The following ST3GAL3 variants were observed in gnomAD, a reference collection of about 807,000 sequenced individuals.
The protein encoded by ST3GAL3 is ST3 beta-galactoside alpha-2,3-sialyltransferase 3, also known as CMP-N-acetylneuraminate-beta-1,4-galactoside alpha-2,3-sialyltransferase.
A neutral mutation model predicts 50.1 loss-of-function variants in ST3GAL3; 21 were observed. That is an observed-to-expected ratio of 0.42 (90% CI 0.30 to 0.60). The LOEUF (loss-of-function observed/expected upper bound fraction) is 0.60. Among genes scored for constraint, ST3GAL3 ranks in the 20% least tolerant of loss-of-function variants. The probability of loss-of-function intolerance (pLI) is 0.19; values close to 1 mark genes in which losing one functional copy is unlikely to be tolerated. For synonymous variants in ST3GAL3, 183 were observed against 190.0 expected, an observed-to-expected ratio of 0.96 and a Z score of 0.30; for missense variants, 353 against 489.4, an observed-to-expected ratio of 0.72 and a Z score of 2.63.
chr1:43,860,788 A>C (rs960342919), intron 5 of ST3GAL3, among the ~76,000 whole-genome samples: 10 of 152,216 alleles, frequency 6.6e-5, no homozygotes, highest in African/African-American at 2.4e-4. Flanking sequence ...TGTGGGTTAC[A>C]GTCACCATGT....
At chr1:43,878,909 G>C (rs2074586603) in intron 5 of ST3GAL3, 1 of 409,104 alleles carries the variant, frequency 2.4e-6, no homozygotes, top group Non-Finnish European at 4.9e-6. Flanking sequence ...ACAGTGAACA[G>C]AATGGGCAGC....
At chr1:43,749,257 A>T (rs1000736000) in intron 2 of ST3GAL3, among the ~76,000 whole-genome samples, 1 of 152,368 alleles carries the variant, frequency 6.6e-6, no homozygotes, top group Middle Eastern at 3.4e-3. Context: ...GAAAATCTTC[A>T]TGCTGTTGTG....
chr1:43,894,400 C>T lies in ST3GAL3; in HGVS notation c.320C>T (p.Pro107Leu). Residue 107 changes from proline to leucine, a missense_variant, in exon 6 of 12, where the codon CCC becomes CTC. By Grantham distance (98) the Pro-to-Leu change is moderately conservative (BLOSUM62 -3). Transcript: ENST00000347631. Reference protein sequence around the residue: ...AIFPRFSKPAPMFLDDSFRKW... With the variant: ...AIFPRFSKPALMFLDDSFRKW... ...TATTCCAGGTTCTCCAAGCCAGCACCCATGTTCCTGGATGACTCCTTTCGC... is the reference window on the plus strand; with the variant it reads ...TATTCCAGGTTCTCCAAGCCAGCACTCATGTTCCTGGATGACTCCTTTCGC... 6.2e-7 allele frequency: 1 copy of T among 1,614,172 alleles called. No homozygotes were observed. Among genetic ancestry groups the T allele is most frequent in the South Asian group, 1.1e-5 (1 of 91,086 alleles).
chr1:43,866,577 C>A (rs2071374920), intron 5 of ST3GAL3, among the ~76,000 whole-genome samples: 1 of 150,784 alleles, frequency 6.6e-6, no homozygotes, highest in South Asian at 2.1e-4. Context: ...GAGTGAGACC[C>A]TGTCTCAAGG....
intron 4 of ST3GAL3, among the ~76,000 whole-genome samples, chr1:43,825,235 G>A (rs921599857): frequency 2.6e-5 from 4 of 152,166 alleles, no homozygotes; most frequent in Admixed American, 1.3e-4. Flanking sequence ...AATTATGTTA[G>A]GGTAGTGGAA....
chr1:43,851,648 C>T lies in ST3GAL3; in HGVS notation c.302+13337C>T, dbSNP rs78469228. The T allele has an allele frequency of 4.2e-4, 535 of 1,281,846 alleles. 3 individuals are homozygous for T. In the African/African-American group the frequency reaches 6.7e-3, roughly 16 times the overall value. 79.4% of individuals were successfully genotyped at this position (1,281,846 alleles called of 1,614,324 possible). Reference sequence around the variant, plus strand: ...AATGATGTTGTAAACCTCAACATCGCTGTCTTTGAGGGGCTGCGCCAGCAT... The same window carrying T: ...AATGATGTTGTAAACCTCAACATCGTTGTCTTTGAGGGGCTGCGCCAGCAT... On this transcript the variant is annotated intron_variant, in intron 5 of 11. Transcript: ENST00000347631.
At chr1:43,889,203 T>TAC (rs59739550) in intron 5 of ST3GAL3, among the ~76,000 whole-genome samples, 10,818 of 148,038 alleles carry the variant, frequency 0.073, 1,064 homozygotes, top group African/African-American at 0.23. Context: ...GGAACAGGAA[T>TAC]ACACACACAC....
intron 5 of ST3GAL3, among the ~76,000 whole-genome samples, chr1:43,876,029 G>A (rs1043128099): frequency 4.6e-5 from 7 of 151,234 alleles, no homozygotes; most frequent in African/African-American, 1.7e-4. Flanking sequence ...GTACAGTAGT[G>A]TGATCTTGGT....
intron 2 of ST3GAL3, among the ~76,000 whole-genome samples, chr1:43,780,104 T>C (rs1698878588): frequency 6.6e-6 from 1 of 152,174 alleles, no homozygotes. Flanking sequence ...CTTGTACTGA[T>C]TTCCTGAGAA....
At chr1:43,738,477 A>G (rs1359266159) in intron 2 of ST3GAL3, 4 of 151,696 alleles carry the variant, frequency 2.6e-5, no homozygotes, top group African/African-American at 9.7e-5. Flanking sequence ...TTACTAAATC[A>G]GACGGGTCCT....
chr1:43,898,578 T>C (rs1430804599), intron 7 of ST3GAL3: 1 of 526,568 alleles, frequency 1.9e-6, no homozygotes, highest in Non-Finnish European at 3.5e-6. Flanking sequence ...AGCCCAGCAA[T>C]GGGACTGAGG....
chr1:43,876,008 T>C (rs1039709653), intron 5 of ST3GAL3, among the ~76,000 whole-genome samples: 2 of 151,360 alleles, frequency 1.3e-5, no homozygotes, highest in Non-Finnish European at 2.9e-5. Context: ...CACTCTGTCA[T>C]CTAGGCTGGA....
chr1:43,886,929 T>G (rs895645570), intron 5 of ST3GAL3, among the ~76,000 whole-genome samples: 2 of 152,134 alleles, frequency 1.3e-5, no homozygotes, highest in African/African-American at 2.4e-5. Flanking sequence ...AGAAATGGAA[T>G]CCATAGCATG....
At chr1:43,874,624 G>T (rs2073714340) in intron 5 of ST3GAL3, among the ~76,000 whole-genome samples, 1 of 152,180 alleles carries the variant, frequency 6.6e-6, no homozygotes, top group Admixed American at 6.5e-5. Flanking sequence ...ACTTCCTGGA[G>T]CAGTGTCCTT....
intron 2 of ST3GAL3, among the ~76,000 whole-genome samples, chr1:43,747,264 C>T (rs1307268085): frequency 1.3e-5 from 2 of 151,942 alleles, no homozygotes; most frequent in African/African-American, 4.8e-5. Context: ...AAAAATTAGC[C>T]TGCCGGACAT....
At chr1:43,917,632 TATATAATATAATATATA>T (rs1418901080) in intron 9 of ST3GAL3, among the ~76,000 whole-genome samples, 2 of 57,804 alleles carry the variant, frequency 3.5e-5, no homozygotes, top group African/African-American at 1.5e-4. Flanking sequence ...TTATATATAA[TATATAATATAATATATA>T]ATATAATATA....
intron 4 of ST3GAL3, among the ~76,000 whole-genome samples, chr1:43,830,993 T>C (rs1056781518): frequency 2.6e-5 from 4 of 152,340 alleles, no homozygotes; most frequent in East Asian, 1.9e-4. Context: ...TTGTATAACC[T>C]TTCAAAGGGC....
intron 2 of ST3GAL3, among the ~76,000 whole-genome samples, chr1:43,782,874 G>A (rs779315150): frequency 6.6e-6 from 1 of 152,080 alleles, no homozygotes; most frequent in South Asian, 2.1e-4. Context: ...ACCTGAAATG[G>A]TATGAATGTA....
At chr1:43,799,025 C>T (rs902797901) in intron 3 of ST3GAL3, among the ~76,000 whole-genome samples, 1 of 152,100 alleles carries the variant, frequency 6.6e-6, no homozygotes, top group Non-Finnish European at 1.5e-5. Context: ...TTGACACAGA[C>T]GATGTCGAGG....
Sources: gnomAD v4.1 joint callset for allele counts (sites outside exome capture counted in the v4.1 genomes callset) on GRCh38, gnomAD v4.1.1 for gene constraint, MANE v1.5 for transcripts, NCBI Gene and HGNC (gene_info 2026-07-23, HGNC 2026-07-21) for gene names.